Variants in ASS1 observed in about 807,000 individuals in gnomAD.
ASS1 encodes argininosuccinate synthase 1.
A neutral mutation model predicts 60.5 loss-of-function variants in ASS1; 58 were observed. That is an observed-to-expected ratio of 0.96 (90% CI 0.78 to 1.19). The LOEUF (loss-of-function observed/expected upper bound fraction) is 1.19. Ranked by LOEUF, ASS1 falls within the 50% of genes most tolerant of loss-of-function variation. The pLI, the probability that ASS1 is intolerant of heterozygous loss-of-function variation, is 0.00. For missense variants in ASS1, 454 were observed against 547.3 expected (o/e 0.83, Z 1.70); for synonymous variants, 200 against 206.9 (o/e 0.97, Z 0.29).
At chr9:130,484,837 G>A (rs563126366) in intron 11 of ASS1, among the ~76,000 whole-genome samples, 2 of 150,998 alleles carry the variant, frequency 1.3e-5, no homozygotes, top group Non-Finnish European at 2.9e-5. Context: ...ACACGTGCGC[G>A]CGCGCGCGTC....
At chr9:130,499,042 C>T (rs1246001507) in intron 13 of ASS1, among the ~76,000 whole-genome samples, 1 of 152,180 alleles carries the variant, frequency 6.6e-6, no homozygotes, top group Non-Finnish European at 1.5e-5. Context: ...GCTGTGAATG[C>T]TGGAGGCCTC....
chr9:130,487,403 T>TG (rs1382405578), intron 11 of ASS1, among the ~76,000 whole-genome samples: 3 of 149,940 alleles, frequency 2.0e-5, no homozygotes, highest in Non-Finnish European at 4.5e-5. Context: ...CTTCATGGTT[T>TG]TTTTTTTTTT....
chr9:130,450,449 G>C (rs891087400), intron 1 of ASS1: 11 of 701,446 alleles, frequency 1.6e-5, no homozygotes, highest in African/African-American at 1.9e-5. Context: ...CCAGGGTTAG[G>C]GCTGGCTGAG....
chr9:130,464,613 C>T (rs568450292), intron 5 of ASS1, among the ~76,000 whole-genome samples: 1 of 152,264 alleles, frequency 6.6e-6, no homozygotes, highest in East Asian at 1.9e-4. Flanking sequence ...CTGGCTCCTC[C>T]CCAGGCCACC....
At chr9:130,471,721 C>G (rs184410370) in intron 8 of ASS1, among the ~76,000 whole-genome samples, 6 of 152,206 alleles carry the variant, frequency 3.9e-5, no homozygotes, top group African/African-American at 1.2e-4. Context: ...AAGACCTCCC[C>G]CCGCCCTTCC....
chr9:130,444,735 G>A (rs960848918), upstream of ASS1, among the ~76,000 whole-genome samples: 1 of 151,904 alleles, frequency 6.6e-6, no homozygotes, highest in Non-Finnish European at 1.5e-5. The surrounding 1 kb of genome is among the most constrained non-coding windows in gnomAD (Gnocchi z 4.7). Context: ...GGGTGAGCCG[G>A]CGCCGGGCCC....
intron 11 of ASS1, among the ~76,000 whole-genome samples, chr9:130,487,272 A>C (rs1846323556): frequency 6.6e-6 from 1 of 152,208 alleles, no homozygotes; most frequent in Non-Finnish European, 1.5e-5. Flanking sequence ...CGTGATTCTA[A>C]GACTTAAAGA....
intron 2 of ASS1, among the ~76,000 whole-genome samples, chr9:130,453,167 C>G (rs892779223): frequency 2.6e-5 from 4 of 152,202 alleles, no homozygotes; most frequent in Non-Finnish European, 5.9e-5. Flanking sequence ...GGAGGGCTTA[C>G]CCCCAGTAGG....
At chr9:130,479,430 C>T (rs919780116) in intron 9 of ASS1, among the ~76,000 whole-genome samples, 5 of 152,140 alleles carry the variant, frequency 3.3e-5, no homozygotes, top group African/African-American at 1.2e-4. Flanking sequence ...AGTTCAGGGC[C>T]TGGTTCCAAT....
At chr9:130,495,396 A>T (rs190338573) in intron 13 of ASS1, among the ~76,000 whole-genome samples, 24 of 151,702 alleles carry the variant, frequency 1.6e-4, no homozygotes, top group African/African-American at 5.3e-4. Flanking sequence ...CAGCCTAGGC[A>T]ACATAGAAAG....
Position 130,445,008 on chromosome 9 carries a change from C to T in ASS1, c.-6+13C>T, listed in dbSNP as rs1845161543. 2 of 280,996 alleles carry T rather than the reference C, an allele frequency of 7.1e-6. No homozygotes were observed. Among genetic ancestry groups the T allele is most frequent in the Non-Finnish European group, 5.4e-6 (1 of 186,088 alleles). 17.4% of individuals were successfully genotyped at this position (280,996 alleles called of 1,614,324 possible). A position where few individuals can be genotyped will look rare whatever the true frequency, so the allele number is the denominator to read the frequency against. ...CTGCCCGAGCCCGGTAAGGAGCCCT[C>T]GGCCCCTCTCGCTGCCCACTCCCTA... On this transcript the variant is annotated intron_variant, in intron 1 of 14. Transcript: ENST00000352480.
At chr9:130,499,395 G>A in intron 13 of ASS1, 110 bp from the exon 14 acceptor site, 1 of 1,156,158 alleles carries the variant, frequency 8.6e-7, no homozygotes, top group African/African-American at 1.5e-5. Context: ...ACCCACACAG[G>A]GGAAATGCCC....
rs866497687 is a variant in ASS1, at chr9:130,478,434, A to G, written c.689-1282A>G. ...GCTCTGGCAGCCCTGCCCGAGGACC[A>G]GGGCAGCTCCGCAGGCTGAGCTGGA... is the stretch of plus-strand genomic sequence containing the variant. On this transcript the variant is annotated intron_variant, in intron 9 of 14. Coordinates refer to ENST00000352480, the MANE Select transcript of ASS1 (RefSeq NM_054012.4). The surrounding 1 kb of genome is among the most constrained non-coding windows in gnomAD (Gnocchi z 4.7). Among the ~76,000 whole-genome samples the G allele has an allele frequency of 1.8e-4, 28 of 152,272 alleles. No homozygotes were observed. Among genetic ancestry groups the G allele is most frequent in the Non-Finnish European group, 3.4e-4 (23 of 68,012 alleles).
intron 11 of ASS1, among the ~76,000 whole-genome samples, chr9:130,483,785 C>CTCCTCCCTCTCTCCCTTTCT: frequency 6.6e-6 from 1 of 151,828 alleles, no homozygotes; most frequent in Middle Eastern, 3.4e-3. Context: ...TCTCCCTTTC[C>CTCCTCCCTCTCTCCCTTTCT]TCCTCCCTCT....
At chr9:130,454,473 G>A (rs903436409) in intron 3 of ASS1, 100 bp downstream of exon 3, 1 of 1,257,482 alleles carries the variant, frequency 8.0e-7, no homozygotes. Context: ...CTTCCAGTGT[G>A]TCTTCTTGCT....
intron 3 of ASS1, among the ~76,000 whole-genome samples, chr9:130,456,848 C>T (rs988704374): frequency 1.3e-5 from 2 of 151,946 alleles, no homozygotes; most frequent in Non-Finnish European, 2.9e-5. Flanking sequence ...ATCACTTGAA[C>T]CCGGAAGGCA....
At chr9:130,475,353 T>C (rs995634170) in intron 8 of ASS1, among the ~76,000 whole-genome samples, 1 of 152,136 alleles carries the variant, frequency 6.6e-6, no homozygotes, top group Non-Finnish European at 1.5e-5. Flanking sequence ...AATTAAAAAA[T>C]ATATATATAC....
Position 130,491,027 on chromosome 9 carries a change from C to G in ASS1, c.970+1563C>G, listed in dbSNP as rs939401049. Among the ~76,000 whole-genome samples, 1 of 152,206 alleles carries G rather than the reference C, an allele frequency of 6.6e-6. No homozygotes were observed. Among genetic ancestry groups the G allele is most frequent in the African/African-American group, 2.4e-5 (1 of 41,452 alleles). On this transcript the variant is annotated intron_variant, in intron 12 of 14. Transcript: ENST00000352480. This position sits in a 1 kb window ranked among gnomAD's most constrained non-coding sequence, Gnocchi z 5.3. ...TACCTGGGCTAAGCTCTCCTCCCCT[C>G]GCCTCTCCCCCTCCACTCCCAGATT...
At chr9:130,485,903 C>T (rs1846296878) in intron 11 of ASS1, among the ~76,000 whole-genome samples, 1 of 152,230 alleles carries the variant, frequency 6.6e-6, no homozygotes, top group Admixed American at 6.5e-5. Context: ...TCTGCACACA[C>T]TGGTCTTTCT....
Sources: allele counts gnomAD v4.1 joint callset (sites outside exome capture counted in the v4.1 genomes callset), GRCh38; gene constraint gnomAD v4.1.1; non-coding constraint Gnocchi (gnomAD v3.1); transcripts MANE v1.5; gene names NCBI Gene and HGNC (gene_info 2026-07-23, HGNC 2026-07-21).